The following TPO variants were observed in gnomAD, a reference collection of about 807,000 sequenced individuals.
The protein encoded by TPO is thyroid peroxidase.
In TPO, 78 loss-of-function variants were observed where a neutral mutation model predicts 96.9. The observed-to-expected ratio is 0.81, with a 90% CI of 0.67 to 0.97. The LOEUF is 0.97. Among genes scored for constraint, TPO ranks in the 50% least tolerant of loss-of-function variants. TPO has a pLI of 0.00. For synonymous variants in TPO, 547 were observed against 538.0 expected (o/e 1.02, Z -0.23); for missense variants, 1,252 against 1,274.8 (o/e 0.98, Z 0.27).
intron 2 of TPO, 116 bp downstream of exon 2, chr2:1,414,618 C>A: frequency 1.2e-6 from 1 of 849,520 alleles, no homozygotes; most frequent in Non-Finnish European, 1.9e-6. Flanking sequence ...GTAGTGTATG[C>A]TTTGTTATGC....
intron 16 of TPO, chr2:1,541,336 A>T (rs1572062224): frequency 1.2e-5 from 4 of 335,540 alleles, no homozygotes; most frequent in Non-Finnish European, 1.7e-5. Flanking sequence ...TAATGATCGC[A>T]TGTTTCAAAA....
At chr2:1,477,730 G>A in intron 8 of TPO, 126 bp downstream of exon 8, 1 of 1,374,158 alleles carries the variant, frequency 7.3e-7, no homozygotes, top group Non-Finnish European at 9.4e-7. Flanking sequence ...CGCCCACATG[G>A]GTGAGCTCCA....
At chr2:1,396,337 A>G (rs1662080049) in intron 1 of TPO, among the ~76,000 whole-genome samples, 2 of 152,234 alleles carry the variant, frequency 1.3e-5, no homozygotes, top group Non-Finnish European at 2.9e-5. Flanking sequence ...GCGTTTACCC[A>G]CTGGGGCCAG....
Position 1,542,003 on chromosome 2 carries a change from T to A in TPO, c.2749-418T>A, listed in dbSNP as rs1000416487. The A allele has an allele frequency of 1.3e-5, 3 of 231,344 alleles. No homozygotes were observed. In the South Asian group the frequency reaches 2.2e-4, roughly 17 times the overall value. The allele number at this position is 231,344 out of a possible 1,614,324, so 14.3% of individuals were successfully genotyped here. A position where few individuals can be genotyped will look rare whatever the true frequency, so the allele number is the denominator to read the frequency against. On this transcript the variant is annotated intron_variant, in intron 16 of 16. Transcript: ENST00000329066. ...GACCTGGCCTGGAAGTGAGGCTCTT[T>A]GTGAATTTAAATAGCTTTTCCAGCC... is the stretch of plus-strand genomic sequence containing the variant.
chr2:1,391,590 A>G (rs553713013), intron 1 of TPO, among the ~76,000 whole-genome samples: 3 of 152,318 alleles, frequency 2.0e-5, no homozygotes, highest in African/African-American at 7.2e-5. Flanking sequence ...CATTGAATCT[A>G]TAAATTACCT....
At chr2:1,489,696 A>G (rs1404345795) in intron 10 of TPO, among the ~76,000 whole-genome samples, 1 of 127,786 alleles carries the variant, frequency 7.8e-6, no homozygotes, top group Non-Finnish European at 1.7e-5. Context: ...TTGGGCAAAT[A>G]AACGCTGACA....
intron 7 of TPO, among the ~76,000 whole-genome samples, chr2:1,461,216 C>T (rs761358944): frequency 6.6e-5 from 10 of 152,154 alleles, no homozygotes; most frequent in African/African-American, 1.4e-4. Flanking sequence ...TCCAGGGTCA[C>T]GTGATGGTTG....
chr2:1,478,431 G>A (rs779112594), intron 8 of TPO: 5 of 979,592 alleles, frequency 5.1e-6, no homozygotes, highest in Non-Finnish European at 4.8e-6. Context: ...CTGTTCTAAA[G>A]GAGGCACTGG....
chr2:1,429,125 C>T (rs1664727541), intron 3 of TPO, among the ~76,000 whole-genome samples: 1 of 152,136 alleles, frequency 6.6e-6, no homozygotes, highest in South Asian at 2.1e-4. Flanking sequence ...GAGTGATTTG[C>T]CCCATCCCGT....
At chr2:1,477,660 T>A in intron 8 of TPO, 56 bp downstream of exon 8, 1 of 1,434,202 alleles carries the variant, frequency 7.0e-7, no homozygotes, top group Non-Finnish European at 9.1e-7. Context: ...GGGGGGCGCC[T>A]CGTGTGGGTG....
intron 1 of TPO, among the ~76,000 whole-genome samples, chr2:1,378,504 G>A (rs758625506): frequency 7.2e-5 from 11 of 152,242 alleles, no homozygotes; most frequent in African/African-American, 1.7e-4. Context: ...CATGCTTAGC[G>A]GCTGATGGCA....
chr2:1,540,703 G>A lies in TPO; in HGVS notation c.2728G>A (p.Ala910Thr), dbSNP rs750068617. The A allele has an allele frequency of 4.3e-6, 7 of 1,613,270 alleles. No individual in the cohort carries two copies. The highest frequency in any genetic ancestry group is 4.0e-5 in the African/African-American group (3 of 74,916). ...QAVGTSPQRA[A>T]AQDSEQESAG... ...CGTAGGGACCTCACCGCAGCGGGCC[G>A]CAGCTCAGGACTCGGAGCAGGTGGG... Residue 910 changes from alanine (A) to threonine (T), a missense_variant, in exon 16 of 17, where the codon GCA (alanine) becomes ACA (threonine). By Grantham distance (58) the Ala-to-Thr change is moderately conservative. Coordinates refer to ENST00000329066, the MANE Select transcript of TPO (RefSeq NM_001206744.2).
At chr2:1,530,356 CAACGTCCCCAAATATCCCCAG>C (rs1677811765) in intron 15 of TPO, among the ~76,000 whole-genome samples, 4 of 143,354 alleles carry the variant, frequency 2.8e-5, no homozygotes, top group African/African-American at 1.0e-4. Flanking sequence ...CAAGTGTGTG[CAACGTCCCCAAATATCCCCAG>C]TGTGTGCAAC....
intron 12 of TPO, 46 bp downstream of exon 12, chr2:1,496,243 C>G (rs1213930693): frequency 6.3e-7 from 1 of 1,591,230 alleles, no homozygotes; most frequent in Non-Finnish European, 8.6e-7. Flanking sequence ...ACGTGCATCT[C>G]ATCAAACAAA....
intron 1 of TPO, among the ~76,000 whole-genome samples, chr2:1,390,747 T>C (rs1011552728): frequency 1.3e-5 from 2 of 152,228 alleles, no homozygotes; most frequent in African/African-American, 2.4e-5. Flanking sequence ...TGGTATTTCA[T>C]TGTGGTTTTG....
Position 1,496,026 on chromosome 2 carries a change from C to T in TPO, c.2044C>T (p.Gln682Ter), listed in dbSNP as rs1239225665. The T allele has an allele frequency of 1.9e-6, 3 of 1,613,606 alleles. No individual in the cohort carries two copies. The highest frequency in any genetic ancestry group is 2.5e-6 in the Non-Finnish European group (3 of 1,180,014). Residue 682 changes from glutamine (Q) to a stop codon, truncating the protein, a stop_gained, in exon 12 of 17, where the codon CAG (glutamine) becomes TAG (stop). Coordinates refer to ENST00000329066, the MANE Select transcript of TPO (RefSeq NM_001206744.2). LOFTEE classifies it high-confidence loss of function. Reference protein sequence around the residue: ...WENSHVFTDAQRRELEKHSLS... With the variant: ...WENSHVFTDA ...GAACAGCCACGTCTTCACGGATGCA[C>T]AGAGGCGTGAGCTGGAGAAGCACTC...
chr2:1,422,537 C>G (rs1412224441), intron 2 of TPO, among the ~76,000 whole-genome samples: 1 of 152,230 alleles, frequency 6.6e-6, no homozygotes, highest in Non-Finnish European at 1.5e-5. Flanking sequence ...GCCGGAAACA[C>G]TTGCCGTCTT....
chr2:1,507,879 T>C (rs1367837349), intron 14 of TPO, among the ~76,000 whole-genome samples: 2 of 151,892 alleles, frequency 1.3e-5, no homozygotes, highest in East Asian at 1.9e-4. Context: ...CCTTTATTTC[T>C]TTCTCCTGCC....
intron 1 of TPO, among the ~76,000 whole-genome samples, chr2:1,378,845 C>T (rs141261154): frequency 6.6e-6 from 1 of 152,232 alleles, no homozygotes; most frequent in East Asian, 1.9e-4. Context: ...TGGCAGAGGG[C>T]TCTGATTGGA....
Sources: gnomAD v4.1 joint callset for allele counts (sites outside exome capture counted in the v4.1 genomes callset) on GRCh38, gnomAD v4.1.1 for gene constraint, MANE v1.5 for transcripts, NCBI Gene and HGNC (gene_info 2026-07-23, HGNC 2026-07-21) for gene names.